The following SLC16A6 variants were observed in gnomAD, a reference collection of about 807,000 sequenced individuals.
SLC16A6 encodes solute carrier family 16 member 6, also known as monocarboxylate transporter 7.
A neutral mutation model predicts 33.8 loss-of-function variants in SLC16A6; 15 were observed. The observed-to-expected ratio is 0.44, with a 90% CI of 0.30 to 0.68. The LOEUF is 0.68. Among genes scored for constraint, SLC16A6 ranks in the 30% least tolerant of loss-of-function variants. SLC16A6 has a pLI of 0.10. For synonymous variants in SLC16A6, 219 were observed against 248.4 expected (o/e 0.88, Z 1.11); for missense variants, 451 against 661.5 (o/e 0.68, Z 3.49).
chr17:68,285,088 A>T (rs1438528231), intron 1 of SLC16A6, among the ~76,000 whole-genome samples: 1 of 152,202 alleles, frequency 6.6e-6, no homozygotes, highest in Non-Finnish European at 1.5e-5. Context: ...GCTGATGATG[A>T]TGCTAAGGAA....
chr17:68,290,852 C>T (rs961234667), intron 1 of SLC16A6, among the ~76,000 whole-genome samples: 6 of 152,186 alleles, frequency 3.9e-5, no homozygotes, highest in Non-Finnish European at 8.8e-5. Context: ...ACCAGGGTCA[C>T]GGACATTCAA....
At chr17:68,288,200 C>T (rs959178621) in intron 1 of SLC16A6, among the ~76,000 whole-genome samples, 1 of 151,914 alleles carries the variant, frequency 6.6e-6, no homozygotes, top group Admixed American at 6.6e-5. Context: ...CAGGGTTTCA[C>T]CATGTTGGTC....
rs781907983 is a variant in SLC16A6 at position 68,271,175 on chromosome 17, C to T, written c.985G>A (p.Ala329Thr). ...GCCATCGTAGATAATAAAAAAGCAG[C>T]GCGGTCCTGGTCAATGCCCAGACTA... is the stretch of plus-strand genomic sequence containing the variant. ...GISLGIDQDR[A>T]AFLLSTMAIA... is the part of the protein sequence containing the mutation. The change falls in exon 5 of 6, where the codon GCT (alanine) becomes ACT (threonine). Residue 329 changes from alanine to threonine, a missense_variant. Ala to Thr is a moderately conservative substitution (Grantham distance 58, BLOSUM62 0). This residue lies in a region of SLC16A6 where 405 missense variants were observed against 510.7 expected (regional missense o/e 0.79). Coordinates refer to ENST00000580666, the MANE Select transcript of SLC16A6 (RefSeq NM_004694.5). The surrounding 1 kb of genome is among the most constrained non-coding windows in gnomAD (Gnocchi z 5.3). 22 of 1,613,882 alleles carry T rather than the reference C, an allele frequency of 1.4e-5. No individual in the cohort carries two copies. The highest frequency in any genetic ancestry group is 4.4e-5 in the South Asian group (4 of 91,086).
At position 68,278,081 on chromosome 17, in the gene SLC16A6, G is replaced by A. The variant is rs1203842627; in HGVS notation, c.232+8C>T. Reference sequence around the variant, plus strand: ...TTACGTCATGGTTAGGCCGAAAGATGTACTAACCTGAAAATGTTAAGACAA... The same window carrying A: ...TTACGTCATGGTTAGGCCGAAAGATATACTAACCTGAAAATGTTAAGACAA... On this transcript the variant is annotated splice_region_variant and intron_variant, in intron 2 of 5. Transcript: ENST00000580666. The A allele has an allele frequency of 8.7e-6, 14 of 1,600,512 alleles. No individual in the cohort carries two copies. The highest frequency in any genetic ancestry group is 1.3e-5 in the African/African-American group (1 of 74,568).
chr17:68,288,306 T>C (rs550342649), intron 1 of SLC16A6, among the ~76,000 whole-genome samples: 1 of 152,258 alleles, frequency 6.6e-6, no homozygotes, highest in Non-Finnish European at 1.5e-5. Context: ...GGCCTTCTCC[T>C]TTTCTTTTTT....
At chr17:68,283,488 T>C (rs2075763792) in intron 1 of SLC16A6, among the ~76,000 whole-genome samples, 1 of 141,986 alleles carries the variant, frequency 7.0e-6, no homozygotes, top group East Asian at 2.1e-4. Flanking sequence ...GCCACTGCAC[T>C]CCAGCCTGGG....
upstream of SLC16A6, chr17:68,291,150 C>T (rs1269195926): frequency 2.0e-5 from 3 of 152,212 alleles, no homozygotes; most frequent in Non-Finnish European, 4.4e-5. Flanking sequence ...TGGCCTCCCC[C>T]TCCTTATAAG....
In SLC16A6 at chr17:68,270,999, T is replaced by C. The variant is rs781911535; in HGVS notation, c.1161A>G (p.Ser387=). 1.2e-6 allele frequency: 2 copies of C among 1,614,142 alleles called. No individual in the cohort carries two copies. The highest frequency in any genetic ancestry group is 1.7e-5 in the Admixed American group (1 of 60,010). The change falls in exon 5 of 6, where the codon TCA becomes TCG. Residue 387 remains serine (S), a synonymous_variant. Coordinates refer to ENST00000580666, the MANE Select transcript of SLC16A6 (RefSeq NM_004694.5). Reference sequence around the variant, plus strand: ...CCATAAACCCAAAAAATATGCTGCATGACATTAGACCCCAGAATTCAGTAG... The same window carrying C: ...CCATAAACCCAAAAAATATGCTGCACGACATTAGACCCCAGAATTCAGTAG... The part of the protein sequence containing the change: ...TFATEFWGLM[S]CSIFFGFMVG...
Position 68,271,217 on chromosome 17 carries a change from T to G in SLC16A6, c.943A>C (p.Ile315Leu). Residue 315 changes from isoleucine to leucine, a missense_variant, in exon 5 of 6, where the codon ATC becomes CTC. Ile to Leu is a conservative substitution (Grantham distance 5). This residue lies in a region of SLC16A6 where 405 missense variants were observed against 510.7 expected (regional missense o/e 0.79). Transcript: ENST00000580666. The surrounding 1 kb of genome is among the most constrained non-coding windows in gnomAD (Gnocchi z 5.3). ...TLGFFAPSLY[I>L]IPLGISLGID... ...CCCAGACTAATGCCCAGAGGAATGATGTACAAGGAAGGTGCAAAGAATCCC... is the reference window on the plus strand; with the variant it reads ...CCCAGACTAATGCCCAGAGGAATGAGGTACAAGGAAGGTGCAAAGAATCCC... The G allele has an allele frequency of 6.2e-7, 1 of 1,614,098 alleles. No individual in the cohort carries two copies. The highest frequency in any genetic ancestry group is 2.2e-5 in the East Asian group (1 of 44,890).
intron 2 of SLC16A6, 118 bp from the exon 3 acceptor site, chr17:68,274,188 G>A (rs1178590224): frequency 2.6e-5 from 28 of 1,092,040 alleles, no homozygotes; most frequent in Middle Eastern, 2.9e-4. Flanking sequence ...AAATATGGCC[G>A]AGCGCAGTGG....
At chr17:68,283,602 C>T (rs1555753547) in intron 1 of SLC16A6, among the ~76,000 whole-genome samples, 1 of 151,678 alleles carries the variant, frequency 6.6e-6, no homozygotes. Context: ...GGGTGGATCA[C>T]CTGAGGTTGG....
intron 4 of SLC16A6, among the ~76,000 whole-genome samples, chr17:68,272,341 A>G (rs1264708659): frequency 3.3e-5 from 5 of 152,236 alleles, no homozygotes; most frequent in African/African-American, 1.2e-4. Context: ...ACGAGAGGAC[A>G]TAACAGGTGA....
chr17:68,282,345 C>T (rs1428057824), intron 1 of SLC16A6, among the ~76,000 whole-genome samples: 1 of 151,888 alleles, frequency 6.6e-6, no homozygotes, highest in African/African-American at 2.4e-5. Context: ...CACACCGGGG[C>T]CTGTCGTGGG....
At chr17:68,272,227 C>T (rs1263360924) in intron 4 of SLC16A6, among the ~76,000 whole-genome samples, 6 of 151,988 alleles carry the variant, frequency 3.9e-5, no homozygotes, top group African/African-American at 7.3e-5. Context: ...TGTAAGCCAC[C>T]GTGCTCAGTT....
Position 68,273,970 on chromosome 17 carries a change from T to C in SLC16A6, c.333A>G (p.Ser111=). 1 of 1,614,150 alleles carries C rather than the reference T, an allele frequency of 6.2e-7. No homozygotes were observed. Among genetic ancestry groups the C allele is most frequent in the Non-Finnish European group, 8.5e-7 (1 of 1,180,012 alleles). Residue 111 remains serine, a synonymous_variant, in exon 3 of 6, where the codon TCA becomes TCG. Coordinates refer to ENST00000580666, the MANE Select transcript of SLC16A6 (RefSeq NM_004694.5). ...VSTGMVAASF[S]QEVSHMYVAI... Reference sequence around the variant, plus strand: ...CGACGTACATATGAGAAACCTCTTGTGAGAAGGAGGCGGCCACCATCCCGG... The same window carrying C: ...CGACGTACATATGAGAAACCTCTTGCGAGAAGGAGGCGGCCACCATCCCGG...
Position 68,268,305 on chromosome 17 carries a change from A to T in SLC16A6, c.*791T>A, listed in dbSNP as rs1172325292. ...AGACACTACAGTCACATATTTCTGT[A>T]TAACTAAAAGCAACAGGAAACACAT... is the stretch of plus-strand genomic sequence containing the variant. On this transcript the variant is annotated 3_prime_UTR_variant, in exon 6 of 6. Coordinates refer to ENST00000580666, the MANE Select transcript of SLC16A6 (RefSeq NM_004694.5). 6.6e-6 allele frequency: 1 copy of T among 152,614 alleles called. No homozygotes were observed. Among genetic ancestry groups the T allele is most frequent in the Non-Finnish European group, 1.5e-5 (1 of 68,036 alleles). 9.5% of individuals were successfully genotyped at this position (152,614 alleles called of 1,614,324 possible).
chr17:68,275,731 C>G (rs1253026682), intron 2 of SLC16A6, among the ~76,000 whole-genome samples: 1 of 151,982 alleles, frequency 6.6e-6, no homozygotes, highest in Non-Finnish European at 1.5e-5. Context: ...CCTGTAAATC[C>G]AGCACTTTGG....
intron 1 of SLC16A6, among the ~76,000 whole-genome samples, chr17:68,286,045 C>T (rs1371502492): frequency 6.6e-6 from 1 of 152,160 alleles, no homozygotes. Context: ...AGATGTGAGC[C>T]ACCGCGCCTG....
Position 68,278,142 on chromosome 17 carries a change from T to C in SLC16A6, c.179A>G (p.Asn60Ser), listed in dbSNP as rs2075584722. ...NDLMDSFNES[N>S]SRISWIISIC... ...TGAGATTATCCATGAGATCCTGCTA[T>C]TGGATTCATTAAAACTGTCCATTAA... is the stretch of plus-strand genomic sequence containing the variant. The change falls in exon 2 of 6, where the codon AAT becomes AGT. Residue 60 changes from asparagine to serine, a missense_variant. Asn to Ser is a conservative substitution (Grantham distance 46, BLOSUM62 1). Coordinates refer to ENST00000580666, the MANE Select transcript of SLC16A6 (RefSeq NM_004694.5). 5 of 1,614,174 alleles carry C rather than the reference T, an allele frequency of 3.1e-6. No individual in the cohort carries two copies. Among genetic ancestry groups the C allele is most frequent in the East Asian group, 2.2e-5 (1 of 44,890 alleles).
Sources: allele counts gnomAD v4.1 joint callset (sites outside exome capture counted in the v4.1 genomes callset), GRCh38; gene constraint gnomAD v4.1.1; regional missense constraint gnomAD v4.1.1; non-coding constraint Gnocchi (gnomAD v3.1); transcripts MANE v1.5; gene names NCBI Gene and HGNC (gene_info 2026-07-23, HGNC 2026-07-21).